The following HIRA variants were observed in gnomAD, a reference collection of about 807,000 sequenced individuals.
HIRA encodes the protein histone cell cycle regulator.
In HIRA, 13 loss-of-function variants were observed where a neutral mutation model predicts 126.6. That is an observed-to-expected ratio of 0.10 (90% CI 0.07 to 0.16). The LOEUF (loss-of-function observed/expected upper bound fraction) is 0.16, where lower values mean the gene tolerates loss of function less well. Ranked by LOEUF, HIRA falls within the 10% of genes least tolerant of loss-of-function variation. HIRA has a pLI of 1.00. For synonymous variants in HIRA, 511 were observed against 520.0 expected, an observed-to-expected ratio of 0.98 and a Z score of 0.24; for missense variants, 834 against 1,314.4, an observed-to-expected ratio of 0.63 and a Z score of 5.65.
chr22:19,363,325 A>T (rs2088882848), intron 15 of HIRA, among the ~76,000 whole-genome samples: 1 of 152,178 alleles, frequency 6.6e-6, no homozygotes, highest in African/African-American at 2.4e-5. Context: ...GATTAATAGT[A>T]GGTGGACACA....
chr22:19,400,262 T>C (rs1468601903), intron 5 of HIRA, among the ~76,000 whole-genome samples: 4 of 152,240 alleles, frequency 2.6e-5, no homozygotes, highest in Non-Finnish European at 4.4e-5. Flanking sequence ...ATTTTTTCCT[T>C]GTGTAGTTAT....
intron 12 of HIRA, among the ~76,000 whole-genome samples, chr22:19,384,813 C>T (rs897541321): frequency 6.6e-6 from 1 of 150,962 alleles, no homozygotes; most frequent in South Asian, 2.1e-4. Context: ...ACCACCATAC[C>T]CGGCTATTTT....
rs537131691 is a variant in HIRA, at chr22:19,367,513, C to T, written c.1776-5582G>A. On this transcript the variant is annotated intron_variant, in intron 15 of 24. Transcript: ENST00000263208. ...TCCCAAGTAGCTGAGATTACAGGCA[C>T]GCACCACCACGCCCCGCTAATTTTT... Among the ~76,000 whole-genome samples the T allele has an allele frequency of 4.6e-4, 70 of 152,114 alleles. 1 individual carries two copies. The highest frequency in any genetic ancestry group is 1.5e-3 in the African/African-American group (62 of 41,506).
At chr22:19,392,451 T>A (rs975839875) in intron 8 of HIRA, among the ~76,000 whole-genome samples, 1 of 152,200 alleles carries the variant, frequency 6.6e-6, no homozygotes, top group Non-Finnish European at 1.5e-5. Flanking sequence ...GAAATGCAGA[T>A]TTGAAACTAG....
intron 6 of HIRA, 62 bp from the exon 7 acceptor site, chr22:19,397,009 G>A: frequency 1.3e-6 from 2 of 1,500,702 alleles, no homozygotes; most frequent in Middle Eastern, 1.7e-4. Flanking sequence ...TGCAATCCAT[G>A]GGCCATGGGA....
intron 24 of HIRA, among the ~76,000 whole-genome samples, chr22:19,337,269 T>C (rs782132620): frequency 6.6e-6 from 1 of 151,224 alleles, no homozygotes; most frequent in Non-Finnish European, 1.5e-5. Flanking sequence ...AGGATATGGA[T>C]GAAAAATGCT....
At chr22:19,334,558 G>A (rs951730642) in intron 24 of HIRA, among the ~76,000 whole-genome samples, 36 of 151,184 alleles carry the variant, frequency 2.4e-4, no homozygotes, top group Non-Finnish European at 3.4e-4. Context: ...AGGCTGAGGC[G>A]GCTGGATCAC....
intron 3 of HIRA, 147 bp downstream of exon 3, chr22:19,408,336 G>C: frequency 1.7e-6 from 1 of 588,268 alleles, no homozygotes; most frequent in South Asian, 1.8e-5. Context: ...AACTCACCCA[G>C]GTGTGCAGCC....
In HIRA at chr22:19,351,764, T is replaced by C. The variant is rs148180567; in HGVS notation, c.2849-318A>G. ...AACTCCTTAAGGTGATGGGAAGATA[T>C]GGGAAATTGTGGGCTGGTGAGATCT... On this transcript the variant is annotated intron_variant, in intron 23 of 24. Coordinates refer to ENST00000263208, the MANE Select transcript of HIRA (RefSeq NM_003325.4). This position sits in a 1 kb window ranked among gnomAD's most constrained non-coding sequence, Gnocchi z 4.8. 1.9e-4 allele frequency among the ~76,000 whole-genome samples: 29 copies of C among 152,070 alleles called. No individual in the cohort carries two copies. Among genetic ancestry groups the C allele is most frequent in the Non-Finnish European group, 3.8e-4 (26 of 67,994 alleles).
intron 24 of HIRA, among the ~76,000 whole-genome samples, chr22:19,345,664 G>A (rs1161406548): frequency 6.6e-6 from 1 of 152,194 alleles, no homozygotes; most frequent in Non-Finnish European, 1.5e-5. Context: ...TCACAATAGG[G>A]TTTGTGCTCC....
intron 21 of HIRA, 31 bp downstream of exon 21, chr22:19,355,728 CA>C: frequency 4.7e-6 from 7 of 1,487,856 alleles, no homozygotes; most frequent in Non-Finnish European, 6.6e-6. Context: ...GACACTCTTC[CA>C]GGGAATAGGA....
intron 1 of HIRA, among the ~76,000 whole-genome samples, chr22:19,425,712 G>T (rs918534329): frequency 6.6e-6 from 1 of 152,278 alleles, no homozygotes; most frequent in East Asian, 1.9e-4. Context: ...GGCTGGGAGC[G>T]GTGGCTCACA....
intron 1 of HIRA, among the ~76,000 whole-genome samples, chr22:19,429,625 C>T (rs1361698623): frequency 6.6e-6 from 1 of 152,188 alleles, no homozygotes; most frequent in Non-Finnish European, 1.5e-5. Context: ...CTTGCTCTGC[C>T]AGGCTGATGC....
rs755143081 is a variant in HIRA, at chr22:19,394,345, G to A, written c.819C>T (p.Val273=). ...CTTTAGTTCCCTGGGCACTCACCAC[G>A]ACAGTCACAGCTTTCCGGTGCCCAA... is the stretch of plus-strand genomic sequence containing the variant. The part of the protein sequence containing the change: ...DFVGHRKAVT[V]VKFNPKIFKK... Residue 273 remains valine, a synonymous_variant, in exon 8 of 25, where the codon GTC becomes GTT. Coordinates refer to ENST00000263208, the MANE Select transcript of HIRA (RefSeq NM_003325.4). 1.4e-5 allele frequency: 23 copies of A among 1,613,958 alleles called. No individual in the cohort carries two copies. In the Admixed American group the frequency reaches 2.0e-4, roughly 14 times the overall value.
rs188304144 is a variant in HIRA, at chr22:19,419,503, C to T, written c.38-8725G>A. Among the ~76,000 whole-genome samples, 7 of 152,268 alleles carry T rather than the reference C, an allele frequency of 4.6e-5. No individual in the cohort carries two copies. In the East Asian group the frequency reaches 1.4e-3, roughly 29 times the overall value. The stretch of plus-strand genomic sequence containing the variant: ...CAACTTTAATTTAAAGGATTATTTC[C>T]CCAATGTGGCACAACAAATCCCCTT... On this transcript the variant is annotated intron_variant, in intron 1 of 24. Transcript: ENST00000263208.
At chr22:19,397,574 G>A in intron 6 of HIRA, among the ~76,000 whole-genome samples, 1 of 152,192 alleles carries the variant, frequency 6.6e-6, no homozygotes, top group Non-Finnish European at 1.5e-5. Flanking sequence ...CATCTGTTGT[G>A]ACTTTAAACA....
rs530759530 is a variant in HIRA at position 19,396,342 on chromosome 22, C to T, written c.654+445G>A. Among the ~76,000 whole-genome samples the T allele has an allele frequency of 1.6e-3, 240 of 152,226 alleles. 1 individual carries two copies. Among genetic ancestry groups the T allele is most frequent in the African/African-American group, 5.7e-3 (235 of 41,518 alleles). ...ACCAGCCTGGCCAACATGGCGAAAC[C>T]GCATCTCTGTTAAAAATACAAAAAT... On this transcript the variant is annotated intron_variant, in intron 7 of 24. Transcript: ENST00000263208.
intron 5 of HIRA, chr22:19,399,286 G>T: frequency 6.8e-6 from 2 of 296,282 alleles, no homozygotes; most frequent in Non-Finnish European, 9.9e-6. Flanking sequence ...AGAGGTTTAA[G>T]CAAAATATTC....
chr22:19,385,799 C>G, intron 11 of HIRA, 63 bp from the exon 12 acceptor site: 1 of 1,491,834 alleles, frequency 6.7e-7, no homozygotes, highest in Non-Finnish European at 9.2e-7. Context: ...GTGCTGCCCA[C>G]CAGCAGGCAA....
Sources: allele counts gnomAD v4.1 joint callset (sites outside exome capture counted in the v4.1 genomes callset), GRCh38; gene constraint gnomAD v4.1.1; non-coding constraint Gnocchi (gnomAD v3.1); transcripts MANE v1.5; gene names NCBI Gene and HGNC (gene_info 2026-07-23, HGNC 2026-07-21).